Variants in SNX25 observed in about 807,000 individuals in gnomAD.
SNX25 encodes the protein sorting nexin 25.
A neutral mutation model predicts 113.7 loss-of-function variants in SNX25; 62 were observed. That is an observed-to-expected ratio of 0.55 (90% confidence interval 0.44 to 0.67). The LOEUF (loss-of-function observed/expected upper bound fraction) is 0.67, where lower values mean the gene tolerates loss of function less well. Ranked by LOEUF, SNX25 falls within the 30% of genes least tolerant of loss-of-function variation. SNX25 has a pLI of 0.00. For synonymous variants in SNX25, 421 were observed against 436.2 expected (o/e 0.97, Z 0.43); for missense variants, 1,014 against 1,161.0 (o/e 0.87, Z 1.84).
At chr4:185,372,789 G>C (rs373464043), downstream of SNX25, 1,088 of 1,342,452 alleles carry the variant, frequency 8.1e-4, 2 homozygotes, top group Non-Finnish European at 1.0e-3. Context: ...ATAAATTTCT[G>C]TTTCTCATAA....
chr4:185,367,515 A>G (rs116184732), downstream of SNX25, among the ~76,000 whole-genome samples: 483 of 152,350 alleles, frequency 3.2e-3, 4 homozygotes, highest in African/African-American at 0.011. Flanking sequence ...ATAGCATTGT[A>G]TGTTATGAAT....
intron 1 of SNX25, among the ~76,000 whole-genome samples, chr4:185,235,659 A>C (rs145828735): frequency 4.3e-4 from 65 of 152,330 alleles, no homozygotes; most frequent in African/African-American, 1.5e-3. Flanking sequence ...TGTGAAACCA[A>C]GGTGGGAGGA....
At chr4:185,294,142 A>G (rs1752544662) in intron 6 of SNX25, among the ~76,000 whole-genome samples, 1 of 152,194 alleles carries the variant, frequency 6.6e-6, no homozygotes, top group South Asian at 2.1e-4. Flanking sequence ...AACAGCTGTC[A>G]GTTAGTGTAA....
chr4:185,281,665 C>CTG lies in SNX25; in HGVS notation c.1092-6346_1092-6345dup, dbSNP rs546094035. Reference sequence around the variant, plus strand: ...CTTTATTTCTTCACAAATTCTATAACTGAAGTCCCTCTAACAAAAACATTC... The same window carrying CTG: ...CTTTATTTCTTCACAAATTCTATAACTGTGAAGTCCCTCTAACAAAAACATTC... On this transcript the variant is annotated intron_variant, in intron 5 of 18. Transcript: ENST00000652585. Among the ~76,000 whole-genome samples, 260 of 152,294 alleles carry CTG rather than the reference C, an allele frequency of 1.7e-3. 1 individual carries two copies. The highest frequency in any genetic ancestry group is 2.7e-3 in the Non-Finnish European group (186 of 68,032).
chr4:185,375,338 C>A, the SNX25 span, among the ~76,000 whole-genome samples: 2 of 148,358 alleles, frequency 1.3e-5, no homozygotes, highest in East Asian at 4.1e-4. Flanking sequence ...TGCCTGTAAT[C>A]CCAGCTACTG....
At chr4:185,273,855 T>A (rs570206786) in intron 5 of SNX25, among the ~76,000 whole-genome samples, 1 of 152,276 alleles carries the variant, frequency 6.6e-6, no homozygotes, top group Non-Finnish European at 1.5e-5. Flanking sequence ...TAAGGCTGAA[T>A]AGTAAAGCAG....
chr4:185,303,689 A>G (rs969951396), intron 6 of SNX25, among the ~76,000 whole-genome samples: 29 of 149,076 alleles, frequency 1.9e-4, no homozygotes, highest in African/African-American at 7.1e-4. Context: ...AAAGCAAGGC[A>G]GGGCACACAG....
chr4:185,223,551 C>T (rs1740342980), intron 1 of SNX25, among the ~76,000 whole-genome samples: 1 of 152,186 alleles, frequency 6.6e-6, no homozygotes, highest in African/African-American at 2.4e-5. Flanking sequence ...CCTGTGATCC[C>T]AGCACTTTGG....
At chr4:185,297,504 G>C (rs1752995972) in intron 6 of SNX25, among the ~76,000 whole-genome samples, 1 of 152,176 alleles carries the variant, frequency 6.6e-6, no homozygotes, top group Non-Finnish European at 1.5e-5. Flanking sequence ...GTCTCACATA[G>C]CTGGGCATCT....
chr4:185,216,513 G>GT (rs34410263), intron 1 of SNX25, among the ~76,000 whole-genome samples: 4,458 of 96,506 alleles, frequency 0.046, 160 homozygotes, highest in African/African-American at 0.087. Flanking sequence ...TGTGTATTTG[G>GT]TTTTTTTTTT....
chr4:185,372,511 T>C (rs2126791108), downstream of SNX25, among the ~76,000 whole-genome samples: 1 of 152,368 alleles, frequency 6.6e-6, no homozygotes, highest in South Asian at 2.1e-4. Flanking sequence ...TAGGCATTCT[T>C]ATCAATACTT....
At chr4:185,260,693 A>G (rs1477954998) in intron 3 of SNX25, among the ~76,000 whole-genome samples, 1 of 152,218 alleles carries the variant, frequency 6.6e-6, no homozygotes, top group Non-Finnish European at 1.5e-5. Context: ...GGAAACTACT[A>G]TGCTTGGAAG....
intron 16 of SNX25, 41 bp downstream of exon 16, chr4:185,357,778 C>G (rs560181068): frequency 1.3e-6 from 2 of 1,530,020 alleles, no homozygotes; most frequent in East Asian, 2.3e-5. Flanking sequence ...ATGCCCTACT[C>G]TTTTGCCTTG....
intron 6 of SNX25, among the ~76,000 whole-genome samples, chr4:185,310,219 A>G (rs1755047134): frequency 6.6e-6 from 1 of 152,202 alleles, no homozygotes; most frequent in South Asian, 2.1e-4. Flanking sequence ...TAGACTCTTA[A>G]AAGTCCATGA....
At chr4:185,218,818 A>G (rs1334714545) in intron 1 of SNX25, among the ~76,000 whole-genome samples, 1 of 152,214 alleles carries the variant, frequency 6.6e-6, no homozygotes, top group East Asian at 1.9e-4. Context: ...TCATTGCTAC[A>G]GTAACCTGAA....
At chr4:185,361,497 G>A (rs553428162) in intron 16 of SNX25, among the ~76,000 whole-genome samples, 1 of 152,220 alleles carries the variant, frequency 6.6e-6, no homozygotes, top group Non-Finnish European at 1.5e-5. Flanking sequence ...CAGCACCTTG[G>A]GAGGCTGAGG....
intron 2 of SNX25, among the ~76,000 whole-genome samples, chr4:185,252,845 T>C (rs1266506986): frequency 4.6e-5 from 7 of 152,214 alleles, no homozygotes; most frequent in Non-Finnish European, 1.0e-4. Context: ...ATACTAGAGC[T>C]ACAAATGCTG....
At chr4:185,258,016 G>T (rs1387187562) in intron 2 of SNX25, among the ~76,000 whole-genome samples, 5 of 152,274 alleles carry the variant, frequency 3.3e-5, no homozygotes, top group African/African-American at 1.2e-4. Flanking sequence ...GGAGTAAAGA[G>T]AACACTAAAG....
chr4:185,277,068 A>G (rs1434301386), intron 5 of SNX25, among the ~76,000 whole-genome samples: 1 of 152,156 alleles, frequency 6.6e-6, no homozygotes, highest in Non-Finnish European at 1.5e-5. Flanking sequence ...TCTGTCACCC[A>G]GGCTGGAGTG....
Sources: allele counts gnomAD v4.1 joint callset (sites outside exome capture counted in the v4.1 genomes callset), GRCh38; gene constraint gnomAD v4.1.1; transcripts MANE v1.5; gene names NCBI Gene and HGNC (gene_info 2026-07-23, HGNC 2026-07-21).